GABRB2: variants seen among roughly 807,000 people sequenced by gnomAD.
The protein encoded by GABRB2 is gamma-aminobutyric acid receptor subunit beta-2.
GABRB2 carries 16 observed loss-of-function variants against 54.7 expected under a neutral mutation model. That is an observed-to-expected ratio of 0.29 (90% confidence interval 0.20 to 0.44). The LOEUF is 0.44. GABRB2 is among the 20% of genes least tolerant of loss of function. GABRB2 has a pLI of 1.00. For missense variants in GABRB2, 355 were observed against 644.0 expected (o/e 0.55, Z 4.86); for synonymous variants, 244 against 233.8 (o/e 1.04, Z -0.40).
intron 5 of GABRB2, among the ~76,000 whole-genome samples, chr5:161,347,773 C>G (rs1754361426): frequency 1.3e-5 from 2 of 152,046 alleles, no homozygotes; most frequent in South Asian, 4.1e-4. Flanking sequence ...TTGTTTTAAT[C>G]TACTAGGTTT....
At chr5:161,407,447 G>A (rs753726246) in intron 5 of GABRB2, among the ~76,000 whole-genome samples, 4 of 151,910 alleles carry the variant, frequency 2.6e-5, no homozygotes, top group Non-Finnish European at 5.9e-5. Context: ...TCTTTGATTT[G>A]TACTAACAGT....
In GABRB2 at chr5:161,525,594, T is replaced by A. The variant is rs188182557; in HGVS notation, c.237+19633A>T. Among the ~76,000 whole-genome samples, 264 of 151,406 alleles carry A rather than the reference T, an allele frequency of 1.7e-3. 1 individual carries two copies. Among genetic ancestry groups the A allele is most frequent in the African/African-American group, 6.1e-3 (252 of 41,476 alleles). On this transcript the variant is annotated intron_variant, in intron 3 of 9. Coordinates refer to ENST00000393959, the MANE Select transcript of GABRB2 (RefSeq NM_001371727.1). Reference sequence around the variant, plus strand: ...ATATACTTTAATATGAAAACAACCATCTAGTATAGATATTTCATTTCACAT... The same window carrying A: ...ATATACTTTAATATGAAAACAACCAACTAGTATAGATATTTCATTTCACAT...
At chr5:161,412,531 T>G (rs1238009119) in intron 4 of GABRB2, among the ~76,000 whole-genome samples, 1 of 152,158 alleles carries the variant, frequency 6.6e-6, no homozygotes, top group Non-Finnish European at 1.5e-5. Flanking sequence ...AACCGTCAGA[T>G]CTTTTAAAAA....
intron 5 of GABRB2, among the ~76,000 whole-genome samples, chr5:161,366,143 A>G (rs1754967317): frequency 6.6e-6 from 1 of 151,572 alleles, no homozygotes; most frequent in Non-Finnish European, 1.5e-5. Flanking sequence ...ATTCAATGTT[A>G]TAAAAAGTAA....
intron 4 of GABRB2, among the ~76,000 whole-genome samples, chr5:161,448,745 C>T (rs1272596906): frequency 6.6e-6 from 1 of 152,064 alleles, no homozygotes; most frequent in Non-Finnish European, 1.5e-5. Flanking sequence ...TGGACTTGGT[C>T]GTTCAGAAAA....
intron 7 of GABRB2, among the ~76,000 whole-genome samples, chr5:161,332,153 A>C (rs191638943): frequency 1.4e-5 from 2 of 140,508 alleles, no homozygotes; most frequent in Admixed American, 1.4e-4. Context: ...GCCACACAGC[A>C]AGACTCCGTC....
intron 3 of GABRB2, among the ~76,000 whole-genome samples, chr5:161,516,784 C>A (rs938251768): frequency 2.0e-5 from 3 of 152,150 alleles, no homozygotes; most frequent in Admixed American, 6.5e-5. Flanking sequence ...AATCCATGTT[C>A]AAACAATCCA....
At chr5:161,377,294 A>G (rs969253813) in intron 5 of GABRB2, among the ~76,000 whole-genome samples, 1 of 152,108 alleles carries the variant, frequency 6.6e-6, no homozygotes, top group Non-Finnish European at 1.5e-5. Context: ...CTAATGAAGG[A>G]ACAGGGCCTC....
chr5:161,449,850 A>T (rs542893498), intron 4 of GABRB2, among the ~76,000 whole-genome samples: 1 of 152,230 alleles, frequency 6.6e-6, no homozygotes, highest in African/African-American at 2.4e-5. Context: ...TAAAAAAAAA[A>T]TAGAGTAAAA....
intron 7 of GABRB2, among the ~76,000 whole-genome samples, chr5:161,333,602 G>A (rs1195150656): frequency 6.6e-6 from 1 of 151,962 alleles, no homozygotes; most frequent in Non-Finnish European, 1.5e-5. Context: ...AGCCTTTGTC[G>A]TGGCCTACCA....
At chr5:161,353,292 CA>C (rs1754525152) in intron 5 of GABRB2, among the ~76,000 whole-genome samples, 1 of 151,930 alleles carries the variant, frequency 6.6e-6, no homozygotes, top group South Asian at 2.1e-4. Flanking sequence ...GAATACTAAG[CA>C]CATTAAAAAT....
intron 3 of GABRB2, among the ~76,000 whole-genome samples, chr5:161,524,554 C>T (rs1480710298): frequency 6.6e-6 from 1 of 150,808 alleles, no homozygotes; most frequent in Non-Finnish European, 1.5e-5. Context: ...ACCATAATAC[C>T]TCAGATGTAA....
At chr5:161,334,372 C>G (rs1406772299) in intron 7 of GABRB2, among the ~76,000 whole-genome samples, 2 of 152,132 alleles carry the variant, frequency 1.3e-5, no homozygotes, top group African/African-American at 4.8e-5. Flanking sequence ...ATTTGCTACA[C>G]ACAACATCTT....
intron 5 of GABRB2, among the ~76,000 whole-genome samples, chr5:161,384,240 A>T (rs1337908240): frequency 6.6e-6 from 1 of 152,232 alleles, no homozygotes; most frequent in Non-Finnish European, 1.5e-5. Flanking sequence ...TGCAAAGGCC[A>T]CTGCAAAACT....
intron 5 of GABRB2, among the ~76,000 whole-genome samples, chr5:161,387,495 A>G (rs1755682127): frequency 6.6e-6 from 1 of 152,096 alleles, no homozygotes; most frequent in African/African-American, 2.4e-5. Flanking sequence ...TTTTTGTCAA[A>G]CCTAGCCCTC....
intron 5 of GABRB2, among the ~76,000 whole-genome samples, chr5:161,347,502 C>T (rs968572194): frequency 3.3e-5 from 5 of 152,108 alleles, no homozygotes; most frequent in Admixed American, 2.6e-4. Context: ...ATGTGAGCTG[C>T]CCTTGCTACT....
chr5:161,509,067 C>T (rs143546396), intron 3 of GABRB2, among the ~76,000 whole-genome samples: 92 of 151,980 alleles, frequency 6.1e-4, no homozygotes, highest in African/African-American at 2.1e-3. Flanking sequence ...GGCAACACTA[C>T]ATAAATGGAG....
intron 3 of GABRB2, among the ~76,000 whole-genome samples, chr5:161,465,544 T>A (rs1288456826): frequency 3.3e-5 from 5 of 152,168 alleles, no homozygotes; most frequent in Non-Finnish European, 7.4e-5. Flanking sequence ...GTCTTTATAG[T>A]TTGTTTTCTA....
At chr5:161,326,855 A>G in intron 8 of GABRB2, 3 of 339,188 alleles carry the variant, frequency 8.8e-6, no homozygotes, top group Non-Finnish European at 1.3e-5. Context: ...TGCATTTGAT[A>G]TGTGCAAATA....
Sources: gnomAD v4.1 joint callset for allele counts (sites outside exome capture counted in the v4.1 genomes callset) on GRCh38, gnomAD v4.1.1 for gene constraint, MANE v1.5 for transcripts, NCBI Gene and HGNC (gene_info 2026-07-23, HGNC 2026-07-21) for gene names.